The following TNFRSF1A variants were observed in gnomAD, a reference collection of about 807,000 sequenced individuals.
TNFRSF1A encodes tumor necrosis factor receptor superfamily member 1A.
In TNFRSF1A, 9 loss-of-function variants were observed where a neutral mutation model predicts 41.6. That is an observed-to-expected ratio of 0.22 (90% CI 0.13 to 0.38). The LOEUF is 0.38. Ranked by LOEUF, TNFRSF1A falls within the 10% of genes least tolerant of loss-of-function variation. TNFRSF1A has a pLI of 1.00. For missense variants in TNFRSF1A, 463 were observed against 591.5 expected (o/e 0.78, Z 2.25); for synonymous variants, 254 against 248.6 (o/e 1.02, Z -0.21).
At chr12:6,330,486 C>T (rs56364812) in intron 7 of TNFRSF1A, 112 bp downstream of exon 7, 38 of 1,007,428 alleles carry the variant, frequency 3.8e-5, no homozygotes, top group Middle Eastern at 2.0e-4. Context: ...GAGTCCCCAG[C>T]GGTATGAACT....
chr12:6,329,986 C>CAGGGTGGGGGTGAAGCCT lies in TNFRSF1A; in HGVS notation c.831_848dup (p.Thr280_Phe285dup), dbSNP rs1209401705. 1.3e-6 allele frequency: 2 copies of CAGGGTGGGGGTGAAGCCT among 1,595,958 alleles called. No homozygotes were observed. The highest frequency in any genetic ancestry group is 1.7e-6 in the Non-Finnish European group (2 of 1,170,064). On this transcript the variant is annotated inframe_insertion, in exon 9 of 10. Coordinates refer to ENST00000162749, the MANE Select transcript of TNFRSF1A (RefSeq NM_001065.4). ...TGGAACTGGGCACGGGACTGAAGCC[C>CAGGGTGGGGGTGAAGCCT]AGGGTGGGGGTGAAGCCTGGAGTGG... is the stretch of plus-strand genomic sequence containing the variant.
intron 6 of TNFRSF1A, 37 bp from the exon 7 acceptor site, chr12:6,330,748 A>C (rs1235555649): frequency 2.3e-5 from 37 of 1,582,364 alleles, no homozygotes; most frequent in Non-Finnish European, 3.2e-5. Context: ...AGGAGCGGGC[A>C]GAGGGGGGCC....
rs141526852 is a variant in TNFRSF1A, at chr12:6,337,425, G to A, written c.40-3181C>T. 3.3e-4 allele frequency among the ~76,000 whole-genome samples: 50 copies of A among 152,298 alleles called. No homozygotes were observed. Among genetic ancestry groups the A allele is most frequent in the Non-Finnish European group, 6.2e-4 (42 of 68,018 alleles). On this transcript the variant is annotated intron_variant, in intron 1 of 9. Coordinates refer to ENST00000162749, the MANE Select transcript of TNFRSF1A (RefSeq NM_001065.4). This position sits in a 1 kb window ranked among gnomAD's most constrained non-coding sequence, Gnocchi z 4.6. ...TGCTGGGGCTGCAGAGTGGGGAGGCGACGCTGAGATCGGCCTTGTGGTCTG... is the reference window on the plus strand; with the variant it reads ...TGCTGGGGCTGCAGAGTGGGGAGGCAACGCTGAGATCGGCCTTGTGGTCTG...
chr12:6,330,361 A>G, intron 7 of TNFRSF1A, 66 bp from the exon 8 acceptor site: 1 of 1,496,324 alleles, frequency 6.7e-7, no homozygotes, highest in Non-Finnish European at 9.3e-7. Context: ...CCCTGGACTC[A>G]GCTGGCAGTG....
At position 6,334,570 on chromosome 12, in the gene TNFRSF1A, T is replaced by C. The variant is rs1948095337; in HGVS notation, c.40-326A>G. Among the ~76,000 whole-genome samples the C allele has an allele frequency of 6.6e-6, 1 of 151,888 alleles. No individual in the cohort carries two copies. The highest frequency in any genetic ancestry group is 1.5e-5 in the Non-Finnish European group (1 of 67,968). ...TCCAGGCTGGAGTGCAGTGATGCAA[T>C]CACTGCACCCTCCACCACCCACGCT... On this transcript the variant is annotated intron_variant, in intron 1 of 9. Coordinates refer to ENST00000162749, the MANE Select transcript of TNFRSF1A (RefSeq NM_001065.4). This position sits in a 1 kb window ranked among gnomAD's most constrained non-coding sequence, Gnocchi z 5.1.
rs897664169 is a variant in TNFRSF1A, at chr12:6,337,178, C to A, written c.40-2934G>T. ...TCAGACTCCCCACCACTGGGCACCACTGCTGGCACCAGCTGGCCCCAGTAA... is the reference window on the plus strand; with the variant it reads ...TCAGACTCCCCACCACTGGGCACCAATGCTGGCACCAGCTGGCCCCAGTAA... On this transcript the variant is annotated intron_variant, in intron 1 of 9. Coordinates refer to ENST00000162749, the MANE Select transcript of TNFRSF1A (RefSeq NM_001065.4). This position sits in a 1 kb window ranked among gnomAD's most constrained non-coding sequence, Gnocchi z 4.6. 2.0e-5 allele frequency among the ~76,000 whole-genome samples: 3 copies of A among 152,244 alleles called. No individual in the cohort carries two copies. The highest frequency in any genetic ancestry group is 2.0e-4 in the Admixed American group (3 of 15,292).
In TNFRSF1A at chr12:6,337,341, A is replaced by G. The variant is rs553965553; in HGVS notation, c.40-3097T>C. Among the ~76,000 whole-genome samples, 26 of 152,300 alleles carry G rather than the reference A, an allele frequency of 1.7e-4. No homozygotes were observed. The South Asian group carries it at 5.0e-3, about 29-fold the overall frequency. ...GAGAGACAGTTGAGGGGGTGGCCCA[A>G]CACCCCTCCAACTCCCCCACAATTT... On this transcript the variant is annotated intron_variant, in intron 1 of 9. Transcript: ENST00000162749. The surrounding 1 kb of genome is among the most constrained non-coding windows in gnomAD (Gnocchi z 4.6).
At position 6,337,279 on chromosome 12, in the gene TNFRSF1A, G is replaced by T. The variant is rs1458668380; in HGVS notation, c.40-3035C>A. Among the ~76,000 whole-genome samples the T allele has an allele frequency of 6.6e-6, 1 of 152,234 alleles. No individual in the cohort carries two copies. The highest frequency in any genetic ancestry group is 1.5e-5 in the Non-Finnish European group (1 of 68,046). ...GTGAGCTCTTTAGGCCCAGACTCCA[G>T]CCTGGAGCAGAAGGGCAGGAAGCTG... On this transcript the variant is annotated intron_variant, in intron 1 of 9. Coordinates refer to ENST00000162749, the MANE Select transcript of TNFRSF1A (RefSeq NM_001065.4). This position sits in a 1 kb window ranked among gnomAD's most constrained non-coding sequence, Gnocchi z 4.6.
intron 1 of TNFRSF1A, among the ~76,000 whole-genome samples, chr12:6,339,027 A>G (rs1459887049): frequency 1.3e-5 from 2 of 152,092 alleles, no homozygotes; most frequent in African/African-American, 4.8e-5. Context: ...CTCCACCTGG[A>G]ACCATATTCA....
At position 6,341,717 on chromosome 12, in the gene TNFRSF1A, ACGCCAGCCGGAAGGTG is replaced by A; in HGVS notation, c.39+43_39+58del. ...CTCGGCCCCCTCCCGGAGAGGGCCC[ACGCCAGCCGGAAGGTG>A]CCTCGCCCACCAGCCCACTCTTCCC... On this transcript the variant is annotated intron_variant, in intron 1 of 9. Coordinates refer to ENST00000162749, the MANE Select transcript of TNFRSF1A (RefSeq NM_001065.4). The surrounding 1 kb of genome is among the most constrained non-coding windows in gnomAD (Gnocchi z 4.6). 6.2e-7 allele frequency: 1 copy of A among 1,603,762 alleles called. No individual in the cohort carries two copies. Among genetic ancestry groups the A allele is most frequent in the Non-Finnish European group, 8.5e-7 (1 of 1,173,916 alleles).
rs1315858981 is a variant in TNFRSF1A, at chr12:6,333,587, C to T, written c.323-71G>A. On this transcript the variant is annotated intron_variant, in intron 3 of 9. Transcript: ENST00000162749. This position sits in a 1 kb window ranked among gnomAD's most constrained non-coding sequence, Gnocchi z 6.3. The stretch of plus-strand genomic sequence containing the variant: ...CCTGCATCCCCTTCCTGACATACCC[C>T]TAAGTGTGTGTCTCTGTAATACACA... 1.2e-6 allele frequency: 2 copies of T among 1,605,188 alleles called. No homozygotes were observed. Among genetic ancestry groups the T allele is most frequent in the Admixed American group, 3.4e-5 (2 of 59,320 alleles).
Position 6,341,823 on chromosome 12 carries a change from G to A in TNFRSF1A, c.-9C>T. 1 of 1,614,170 alleles carries A rather than the reference G, an allele frequency of 6.2e-7. No individual in the cohort carries two copies. The highest frequency in any genetic ancestry group is 8.5e-7 in the Non-Finnish European group (1 of 1,180,048). ...ACGGTGGAGAGGCCCATGCCAGACA[G>A]CTATGGCCTCTCACTCCCCCATTTG... On this transcript the variant is annotated 5_prime_UTR_variant, in exon 1 of 10. Transcript: ENST00000162749. This position sits in a 1 kb window ranked among gnomAD's most constrained non-coding sequence, Gnocchi z 4.6.
chr12:6,335,376 C>G (rs1948107536), intron 1 of TNFRSF1A, among the ~76,000 whole-genome samples: 1 of 152,170 alleles, frequency 6.6e-6, no homozygotes, highest in African/African-American at 2.4e-5. Flanking sequence ...AGCGACCCAG[C>G]TTGGATGACT....
rs71450139 is a variant in TNFRSF1A, at chr12:6,339,816, TTC to T, written c.39+1958_39+1959del. Among the ~76,000 whole-genome samples, 701 of 139,270 alleles carry T rather than the reference TTC, an allele frequency of 5.0e-3. 4 individuals carry two copies. Among genetic ancestry groups the T allele is most frequent in the Non-Finnish European group, 6.6e-3 (424 of 64,338 alleles). The allele number at this position is 139,270 out of a possible 152,430, so 91.4% of individuals were successfully genotyped here. A position where few individuals can be genotyped will look rare whatever the true frequency, so the allele number is the denominator to read the frequency against. ...ATTCTTCCCTACTCCCCTACCCCAC[TTC>T]TCTCTCTCTCTCTCTCTCTCTCTCA... On this transcript the variant is annotated intron_variant, in intron 1 of 9. Transcript: ENST00000162749.
Position 6,329,185 on chromosome 12 carries a change from G to C in TNFRSF1A, c.*127C>G. 2.2e-6 allele frequency: 2 copies of C among 910,490 alleles called. No individual in the cohort carries two copies. Among genetic ancestry groups the C allele is most frequent in the Non-Finnish European group, 3.1e-6 (2 of 640,150 alleles). The allele number at this position is 910,490 out of a possible 1,614,324, so 56.4% of individuals were successfully genotyped here. On this transcript the variant is annotated 3_prime_UTR_variant, in exon 10 of 10. Coordinates refer to ENST00000162749, the MANE Select transcript of TNFRSF1A (RefSeq NM_001065.4). ...CTGAGAAAAGCTATGTACATCGAGG[G>C]GTTAGCACCAAGTAGGCGGCTGCTA... is the stretch of plus-strand genomic sequence containing the variant.
chr12:6,332,950 G>A, intron 5 of TNFRSF1A, 119 bp downstream of exon 5: 2 of 863,378 alleles, frequency 2.3e-6, no homozygotes, highest in Non-Finnish European at 3.9e-6. Flanking sequence ...TACTCAGCCA[G>A]TAGGACCCTG....
rs761439462 is a variant in TNFRSF1A at position 6,329,510 on chromosome 12, C to T, written c.1170G>A (p.Leu390=). 2.5e-6 allele frequency: 4 copies of T among 1,595,056 alleles called. No individual in the cohort carries two copies. The highest frequency in any genetic ancestry group is 3.3e-5 in the Admixed American group (2 of 59,824). ...LSDHEIDRLE[L]QNGRCLREAQ... is the part of the protein sequence containing the mutation. ...CCTCGCGCAGGCAGCGCCCGTTCTG[C>T]AGCTCCAGCCGATCGATCTCGTGGT... Residue 390 remains leucine, a synonymous_variant, in exon 10 of 10, where the codon CTG becomes CTA. Coordinates refer to ENST00000162749, the MANE Select transcript of TNFRSF1A (RefSeq NM_001065.4).
Position 6,341,804 on chromosome 12 carries a change from G to A in TNFRSF1A, c.11C>T (p.Ser4Phe), listed in dbSNP as rs200593961. MGL[S>F]TVPDLLLPLV... ...TGGCAGCAGCAGGTCAGGCACGGTG[G>A]AGAGGCCCATGCCAGACAGCTATGG... Residue 4 changes from serine to phenylalanine, a missense_variant, in exon 1 of 10, where the codon TCC becomes TTC. This residue lies in a region of TNFRSF1A where 37 missense variants were observed against 46.5 expected (regional missense o/e 0.80). Transcript: ENST00000162749. This position sits in a 1 kb window ranked among gnomAD's most constrained non-coding sequence, Gnocchi z 4.6. 65 of 1,614,140 alleles carry A rather than the reference G, an allele frequency of 4.0e-5. No homozygotes were observed. The highest frequency in any genetic ancestry group is 5.2e-5 in the Non-Finnish European group (61 of 1,180,018).
In TNFRSF1A at chr12:6,333,766, T is replaced by C; in HGVS notation, c.293A>G (p.His98Arg). 2 of 1,575,286 alleles carry C rather than the reference T, an allele frequency of 1.3e-6. No homozygotes were observed. Among genetic ancestry groups the C allele is most frequent in the Non-Finnish European group, 1.7e-6 (2 of 1,159,280 alleles). Residue 98 changes from histidine to arginine, a missense_variant, in exon 3 of 10, where the codon CAC becomes CGC. His to Arg is a conservative substitution (Grantham distance 29). This residue lies in a region of TNFRSF1A where 149 missense variants were observed against 239.4 expected (regional missense o/e 0.62). Coordinates refer to ENST00000162749, the MANE Select transcript of TNFRSF1A (RefSeq NM_001065.4). This position sits in a 1 kb window ranked among gnomAD's most constrained non-coding sequence, Gnocchi z 6.3. ...SFTASENHLR[H>R]CLSCSKCRKE... ...TCGGCATTTGGAGCAGCTGAGGCAGTGTCTGAGGTGGTTTTCTGAAGCGGT... is the reference window on the plus strand; with the variant it reads ...TCGGCATTTGGAGCAGCTGAGGCAGCGTCTGAGGTGGTTTTCTGAAGCGGT...
Sources: allele counts gnomAD v4.1 joint callset (sites outside exome capture counted in the v4.1 genomes callset), GRCh38; gene constraint gnomAD v4.1.1; regional missense constraint gnomAD v4.1.1; non-coding constraint Gnocchi (gnomAD v3.1); transcripts MANE v1.5; gene names NCBI Gene and HGNC (gene_info 2026-07-23, HGNC 2026-07-21).